The following CSNK1G2 variants were observed in gnomAD, a reference collection of about 807,000 sequenced individuals.
CSNK1G2 encodes the protein casein kinase 1 gamma 2.
In CSNK1G2, 11 loss-of-function variants were observed where a neutral mutation model predicts 48.0. That is an observed-to-expected ratio of 0.23 (90% CI 0.14 to 0.38). CSNK1G2 has a LOEUF of 0.38. CSNK1G2 is among the 10% of genes least tolerant of loss of function. The pLI is 1.00. For missense variants in CSNK1G2, 446 were observed against 595.5 expected (o/e 0.75, Z 2.61); for synonymous variants, 337 against 254.1 (o/e 1.33, Z -3.10).
rs1387993367 is a variant in CSNK1G2 at position 1,980,525 on chromosome 19, G to T, written c.*322G>T. The T allele has an allele frequency of 3.2e-5, 13 of 402,670 alleles. No individual in the cohort carries two copies. Among genetic ancestry groups the T allele is most frequent in the Non-Finnish European group, 9.1e-6 (2 of 219,912 alleles). 24.9% of individuals were successfully genotyped at this position (402,670 alleles called of 1,614,324 possible). A position where few individuals can be genotyped will look rare whatever the true frequency, so the allele number is the denominator to read the frequency against. On this transcript the variant is annotated 3_prime_UTR_variant, in exon 12 of 12. Transcript: ENST00000255641. ...CCCACTCCTGCCCCTCCGTTTCTTTGCTGAAGTGAGTAGTGTGATCCTGGA... is the reference window on the plus strand; with the variant it reads ...CCCACTCCTGCCCCTCCGTTTCTTTTCTGAAGTGAGTAGTGTGATCCTGGA...
intron 1 of CSNK1G2, among the ~76,000 whole-genome samples, chr19:1,966,160 A>G (rs1441200114): frequency 6.6e-6 from 1 of 152,280 alleles, no homozygotes; most frequent in Admixed American, 6.5e-5. Flanking sequence ...TGCCGTGGAG[A>G]GCAATTCCTC....
intron 2 of CSNK1G2, 131 bp downstream of exon 2, chr19:1,970,090 G>A (rs2015514367): frequency 1.6e-6 from 1 of 627,484 alleles, no homozygotes; most frequent in Non-Finnish European, 2.3e-6. Flanking sequence ...TCACTGGCAG[G>A]TGCGTTGAAT....
chr19:1,963,001 A>G lies in CSNK1G2; in HGVS notation c.-265-6507A>G, dbSNP rs367874916. On this transcript the variant is annotated intron_variant, in intron 1 of 11. Coordinates refer to ENST00000255641, the MANE Select transcript of CSNK1G2 (RefSeq NM_001319.7). ...ACACAACCCAGCCATGAAAAGGAAG[A>G]AGCTCTGACTCAGGCCACGGCGTGG... Among the ~76,000 whole-genome samples the G allele has an allele frequency of 5.9e-5, 9 of 151,808 alleles. No individual in the cohort carries two copies. In the East Asian group the frequency reaches 1.6e-3, roughly 26 times the overall value.
chr19:1,947,394 T>C (rs1012268649), intron 1 of CSNK1G2, among the ~76,000 whole-genome samples: 2 of 152,192 alleles, frequency 1.3e-5, no homozygotes, highest in African/African-American at 4.8e-5. Flanking sequence ...CCATCTGACC[T>C]CTGTCCCCAG....
rs747897974 is a variant in CSNK1G2, at chr19:1,979,625, C to T, written c.984C>T (p.Asp328=). The change falls in exon 9 of 12, where the codon GAC becomes GAT. Residue 328 remains aspartate (D), a synonymous_variant. Coordinates refer to ENST00000255641, the MANE Select transcript of CSNK1G2 (RefSeq NM_001319.7). ...RSGFVFDYEY[D]WAGKPLPTPI... The stretch of plus-strand genomic sequence containing the variant: ...GCTTCGTGTTCGACTATGAGTACGA[C>T]TGGGCCGGGAAGCCCCTGGTAGGTG... The T allele has an allele frequency of 2.5e-6, 4 of 1,604,766 alleles. No individual in the cohort carries two copies. Among genetic ancestry groups the T allele is most frequent in the East Asian group, 4.5e-5 (2 of 44,870 alleles).
intron 1 of CSNK1G2, among the ~76,000 whole-genome samples, chr19:1,947,556 C>G (rs867774699): frequency 6.6e-6 from 1 of 152,204 alleles, no homozygotes; most frequent in South Asian, 2.1e-4. Flanking sequence ...GGGCAGCGCA[C>G]GGGACCAGCG....
rs545500125 is a variant in CSNK1G2, at chr19:1,967,658, GT to G, written c.-265-1848del. Among the ~76,000 whole-genome samples, 388 of 141,192 alleles carry G rather than the reference GT, an allele frequency of 2.7e-3. 4 individuals are homozygous for G. The highest frequency in any genetic ancestry group is 8.6e-3 in the South Asian group (39 of 4,546). 92.6% of individuals were successfully genotyped at this position (141,192 alleles called of 152,430 possible). A position where few individuals can be genotyped will look rare whatever the true frequency, so the allele number is the denominator to read the frequency against. On this transcript the variant is annotated intron_variant, in intron 1 of 11. Transcript: ENST00000255641. ...TTAACACCACAGCTGCCACCCTTCAGTTCTGCAGGTGGGGCTCCTCCCTCCT... is the reference window on the plus strand; with the variant it reads ...TTAACACCACAGCTGCCACCCTTCAGTCTGCAGGTGGGGCTCCTCCCTCCT...
At chr19:1,956,638 C>G (rs139545047) in intron 1 of CSNK1G2, among the ~76,000 whole-genome samples, 42 of 152,360 alleles carry the variant, frequency 2.8e-4, no homozygotes, top group African/African-American at 5.5e-4. Context: ...GGTGTTGACC[C>G]TCCACAGAGG....
chr19:1,963,880 G>A (rs1355370644), intron 1 of CSNK1G2, among the ~76,000 whole-genome samples: 1 of 146,704 alleles, frequency 6.8e-6, no homozygotes, highest in African/African-American at 2.5e-5. Context: ...GCAATGGCAC[G>A]ATCTTGGCTC....
rs771909688 is a variant in CSNK1G2, at chr19:1,980,219, G to C, written c.*16G>C. 79 of 1,612,648 alleles carry C rather than the reference G, an allele frequency of 4.9e-5. 3 individuals are homozygous for C. The South Asian group carries it at 8.7e-4, about 18-fold the overall frequency. ...ACACAAGTGACCCTGGGCGCGTGCA[G>C]CCCCCTGAATCTTCTCCGTGCAGCC... On this transcript the variant is annotated 3_prime_UTR_variant, in exon 12 of 12. Coordinates refer to ENST00000255641, the MANE Select transcript of CSNK1G2 (RefSeq NM_001319.7).
At position 1,945,179 on chromosome 19, in the gene CSNK1G2, C is replaced by T. The variant is rs745556524; in HGVS notation, c.-266+3761C>T. ...GCTTGGGGCCCTGCACCAGCCTGTG[C>T]GCCCGCAAGGTTGCCAGGGCCCCTC... On this transcript the variant is annotated intron_variant, in intron 1 of 11. Coordinates refer to ENST00000255641, the MANE Select transcript of CSNK1G2 (RefSeq NM_001319.7). Among the ~76,000 whole-genome samples the T allele has an allele frequency of 5.9e-5, 9 of 152,324 alleles. 1 individual carries two copies. The highest frequency in any genetic ancestry group is 5.8e-4 in the East Asian group (3 of 5,182).
At chr19:1,947,355 A>G (rs1253608079) in intron 1 of CSNK1G2, among the ~76,000 whole-genome samples, 1 of 152,124 alleles carries the variant, frequency 6.6e-6, no homozygotes, top group Non-Finnish European at 1.5e-5. Flanking sequence ...GGTGATGCTC[A>G]TGTAATCTGC....
In CSNK1G2 at chr19:1,978,569, G is replaced by A. The variant is rs751939931; in HGVS notation, c.299-33G>A. 38 of 1,573,116 alleles carry A rather than the reference G, an allele frequency of 2.4e-5. No individual in the cohort carries two copies. Among genetic ancestry groups the A allele is most frequent in the South Asian group, 4.6e-5 (4 of 86,866 alleles). On this transcript the variant is annotated intron_variant, in intron 4 of 11. Coordinates refer to ENST00000255641, the MANE Select transcript of CSNK1G2 (RefSeq NM_001319.7). The surrounding 1 kb of genome is among the most constrained non-coding windows in gnomAD (Gnocchi z 7.3). ...GCGCAGGGGCAGGGAGGGGGCTGCC[G>A]CCGCACGCCCGTGCGTCTGTCCTCC...
chr19:1,975,872 G>C, intron 2 of CSNK1G2: 1 of 770,706 alleles, frequency 1.3e-6, no homozygotes, highest in Non-Finnish European at 1.6e-6. Flanking sequence ...CCCATCTCTA[G>C]TAAAAATACA....
chr19:1,943,469 A>G (rs1268513130), intron 1 of CSNK1G2, among the ~76,000 whole-genome samples: 4 of 152,070 alleles, frequency 2.6e-5, no homozygotes, highest in African/African-American at 4.8e-5. Context: ...TTTTAATAAT[A>G]CAGTAATTAC....
In CSNK1G2 at chr19:1,964,735, T is replaced by G. The variant is rs866157381; in HGVS notation, c.-265-4773T>G. ...CAGAAAAAAGTTTTTGTTTTTTTGT[T>G]TTTTTTTTTGAGACTGATTCTCGCT... is the stretch of plus-strand genomic sequence containing the variant. On this transcript the variant is annotated intron_variant, in intron 1 of 11. Coordinates refer to ENST00000255641, the MANE Select transcript of CSNK1G2 (RefSeq NM_001319.7). Among the ~76,000 whole-genome samples, 7 of 151,006 alleles carry G rather than the reference T, an allele frequency of 4.6e-5. No individual in the cohort carries two copies. In the East Asian group the frequency reaches 5.9e-4, roughly 13 times the overall value.
At chr19:1,979,857 C>T in intron 10 of CSNK1G2, 22 bp downstream of exon 10, 1 of 1,551,242 alleles carries the variant, frequency 6.4e-7, no homozygotes, top group Non-Finnish European at 8.7e-7. Context: ...GCGGGACCGA[C>T]CGCCCCAGGG....
At chr19:1,967,417 T>G (rs1208495848) in intron 1 of CSNK1G2, among the ~76,000 whole-genome samples, 1 of 152,158 alleles carries the variant, frequency 6.6e-6, no homozygotes, top group African/African-American at 2.4e-5. Flanking sequence ...GTCCCCCTTC[T>G]TCAGTGAGGG....
rs750499976 is a variant in CSNK1G2, at chr19:1,978,597, C to A, written c.299-5C>A. 1.3e-6 allele frequency: 2 copies of A among 1,590,412 alleles called. No homozygotes were observed. Among genetic ancestry groups the A allele is most frequent in the Admixed American group, 3.5e-5 (2 of 56,608 alleles). ...GCACGCCCGTGCGTCTGTCCTCCGCCGCAGAGGGCGTCCCTCAGGTCTACT... is the reference window on the plus strand; with the variant it reads ...GCACGCCCGTGCGTCTGTCCTCCGCAGCAGAGGGCGTCCCTCAGGTCTACT... On this transcript the variant is annotated splice_polypyrimidine_tract_variant and splice_region_variant and intron_variant, in intron 4 of 11. Coordinates refer to ENST00000255641, the MANE Select transcript of CSNK1G2 (RefSeq NM_001319.7). The surrounding 1 kb of genome is among the most constrained non-coding windows in gnomAD (Gnocchi z 7.3).
Sources: gnomAD v4.1 joint callset for allele counts (sites outside exome capture counted in the v4.1 genomes callset) on GRCh38, gnomAD v4.1.1 for gene constraint, Gnocchi (gnomAD v3.1) non-coding constraint, MANE v1.5 for transcripts, NCBI Gene and HGNC (gene_info 2026-07-23, HGNC 2026-07-21) for gene names.